PDE1A: variants seen among roughly 807,000 people sequenced by gnomAD.
The protein encoded by PDE1A is phosphodiesterase 1A, also known as dual specificity calcium/calmodulin-dependent 3',5'-cyclic nucleotide phosphodiesterase 1A.
A neutral mutation model predicts 61.7 loss-of-function variants in PDE1A; 35 were observed. The observed-to-expected ratio is 0.57, with a 90% confidence interval of 0.43 to 0.75. The LOEUF (loss-of-function observed/expected upper bound fraction) is 0.75, where lower values mean the gene tolerates loss of function less well. PDE1A is among the 30% of genes least tolerant of loss of function. PDE1A has a pLI of 0.00. For missense variants in PDE1A, 597 were observed against 630.6 expected, an observed-to-expected ratio of 0.95 and a Z score of 0.57; for synonymous variants, 232 against 213.2, an observed-to-expected ratio of 1.09 and a Z score of -0.77.
chr2:182,171,743 C>T (rs953586554), intron 13 of PDE1A, among the ~76,000 whole-genome samples: 1 of 151,240 alleles, frequency 6.6e-6, no homozygotes, highest in Middle Eastern at 3.2e-3. Context: ...TCTGGTCACA[C>T]ATCAAACTGC....
chr2:182,348,050 T>G (rs13003148), intron 1 of PDE1A, among the ~76,000 whole-genome samples: 33,658 of 152,094 alleles, frequency 0.22, 3,952 homozygotes, highest in Middle Eastern at 0.31. Flanking sequence ...GAGAAGACTA[T>G]TGCACTTAAA....
At chr2:182,654,597 T>C in the PDE1A span, among the ~76,000 whole-genome samples, 2 of 152,210 alleles carry the variant, frequency 1.3e-5, no homozygotes, top group African/African-American at 4.8e-5. Context: ...AAGGCCTTTT[T>C]TCAACATGTA....
At chr2:182,140,814 A>T (rs1690195056) in exon 15 of PDE1A, 1 of 152,114 alleles carries the variant, frequency 6.6e-6, no homozygotes, top group Non-Finnish European at 1.5e-5. Flanking sequence ...TCTTACAGAG[A>T]GGAAAACAAA....
At chr2:182,542,143 T>C in the PDE1A span, among the ~76,000 whole-genome samples, 1 of 152,142 alleles carries the variant, frequency 6.6e-6, no homozygotes, top group Non-Finnish European at 1.5e-5. Context: ...AAATCAAGCA[T>C]TGCCTTTTCA....
In PDE1A at chr2:182,234,367, T is replaced by G. The variant is rs1024354428; in HGVS notation, c.417+65A>C. On this transcript the variant is annotated intron_variant, in intron 4 of 13. Coordinates refer to ENST00000351439, the Ensembl canonical transcript of PDE1A. The stretch of plus-strand genomic sequence containing the variant: ...GTAAAGACCTATTCTCATTTTCTCA[T>G]AGCCTTTTTAAGAGAATTTTTTAAA... 5.6e-6 allele frequency: 6 copies of G among 1,066,818 alleles called. No individual in the cohort carries two copies. The Admixed American group carries it at 1.1e-4, about 20-fold the overall frequency. 66.1% of individuals were successfully genotyped at this position (1,066,818 alleles called of 1,614,324 possible).
intron 11 of PDE1A, among the ~76,000 whole-genome samples, chr2:182,188,170 G>T (rs1559156734): frequency 1.3e-5 from 2 of 152,120 alleles, no homozygotes; most frequent in African/African-American, 4.8e-5. Context: ...GCCACATCAG[G>T]TCCTTAGCCT....
the PDE1A span, among the ~76,000 whole-genome samples, chr2:182,587,081 A>G: frequency 1.3e-5 from 2 of 152,182 alleles, no homozygotes; most frequent in African/African-American, 4.8e-5. Context: ...TCAGTGAAAA[A>G]TTTAAAAGGC....
chr2:182,526,959 G>T (rs1172340718), upstream of PDE1A, among the ~76,000 whole-genome samples: 2 of 150,676 alleles, frequency 1.3e-5, no homozygotes, highest in African/African-American at 4.9e-5. Context: ...CTTTTTTCAG[G>T]TATTGTAATT....
chr2:182,527,010 G>A (rs537054707), upstream of PDE1A, among the ~76,000 whole-genome samples: 3 of 150,226 alleles, frequency 2.0e-5, no homozygotes, highest in African/African-American at 7.4e-5. Context: ...TAAATAAATA[G>A]AAAAAATTAT....
At chr2:182,232,732 G>C (rs1689683019) in intron 4 of PDE1A, among the ~76,000 whole-genome samples, 3 of 152,150 alleles carry the variant, frequency 2.0e-5, no homozygotes, top group Admixed American at 1.3e-4. Context: ...CTCAAAGGAG[G>C]TCAATAAATC....
intron 7 of PDE1A, among the ~76,000 whole-genome samples, chr2:182,211,489 T>G (rs1687595827): frequency 6.6e-6 from 1 of 152,218 alleles, no homozygotes; most frequent in Non-Finnish European, 1.5e-5. Flanking sequence ...AAAACTGTGT[T>G]AGCTATTATG....
rs138538067 is a variant in PDE1A, at chr2:182,409,341, T to C, written c.53+17237A>G. On this transcript the variant is annotated intron_variant, in intron 1 of 13. Transcript: ENST00000351439. ...AATATTGGATACAAACTTAATTAGA[T>C]AACCAATTAAATAAGGCCCAAGCCT... Among the ~76,000 whole-genome samples, 296 of 152,336 alleles carry C rather than the reference T, an allele frequency of 1.9e-3. 1 individual carries two copies. The highest frequency in any genetic ancestry group is 3.5e-3 in the Non-Finnish European group (240 of 68,020).
At chr2:182,212,731 C>G (rs575536375) in intron 7 of PDE1A, among the ~76,000 whole-genome samples, 1 of 152,206 alleles carries the variant, frequency 6.6e-6, no homozygotes, top group Non-Finnish European at 1.5e-5. Flanking sequence ...TGGCGCACCA[C>G]GAGATTATAT....
chr2:182,626,134 G>A, the PDE1A span, among the ~76,000 whole-genome samples: 1 of 152,178 alleles, frequency 6.6e-6, no homozygotes, highest in Admixed American at 6.5e-5. Flanking sequence ...GACTGAAAAT[G>A]AGACTGTAGC....
At chr2:182,378,370 C>A (rs981581506) in intron 1 of PDE1A, among the ~76,000 whole-genome samples, 5 of 151,970 alleles carry the variant, frequency 3.3e-5, no homozygotes, top group African/African-American at 9.7e-5. Context: ...CATGAAAAAC[C>A]TTTTTGGAAA....
chr2:182,319,956 A>T (rs928486063), intron 1 of PDE1A, among the ~76,000 whole-genome samples: 2 of 152,182 alleles, frequency 1.3e-5, no homozygotes, highest in Admixed American at 6.6e-5. Context: ...TTAGAGTAGC[A>T]TAGACTATGT....
the PDE1A span, among the ~76,000 whole-genome samples, chr2:182,673,801 C>A: frequency 2.4e-3 from 365 of 151,334 alleles, 2 homozygotes; most frequent in African/African-American, 8.4e-3. Flanking sequence ...TAATAGGAAA[C>A]CTTAAGTATA....
At chr2:182,685,224 C>T in the PDE1A span, among the ~76,000 whole-genome samples, 1 of 151,858 alleles carries the variant, frequency 6.6e-6, no homozygotes, top group Non-Finnish European at 1.5e-5. Context: ...GCTTTTAATG[C>T]CCAATTAAAC....
At chr2:182,642,040 G>A in the PDE1A span, among the ~76,000 whole-genome samples, 4 of 152,122 alleles carry the variant, frequency 2.6e-5, no homozygotes, top group Non-Finnish European at 5.9e-5. Context: ...TATGAGAAAA[G>A]TTTTCACGGA....
Sources: gnomAD v4.1 joint callset for allele counts (sites outside exome capture counted in the v4.1 genomes callset) on GRCh38, gnomAD v4.1.1 for gene constraint, MANE v1.5 for transcripts, NCBI Gene and HGNC (gene_info 2026-07-23, HGNC 2026-07-21) for gene names.